Variants in STPG4 observed in about 807,000 individuals in gnomAD.
STPG4 encodes protein STPG4.
Under a neutral mutation model 31.5 loss-of-function variants are expected in STPG4, and 41 were observed. The observed-to-expected ratio is 1.30, with a 90% CI of 1.01 to 1.69. STPG4 has a LOEUF of 1.69. Ranked by LOEUF, STPG4 falls within the 40% of genes most tolerant of loss-of-function variation. STPG4 has a pLI of 0.00. For synonymous variants in STPG4, 141 were observed against 103.0 expected, an observed-to-expected ratio of 1.37 and a Z score of -2.24; for missense variants, 375 against 293.4, an observed-to-expected ratio of 1.28 and a Z score of -2.03.
chr2:47,153,895 G>A (rs919729547), intron 1 of STPG4, among the ~76,000 whole-genome samples: 3 of 152,122 alleles, frequency 2.0e-5, no homozygotes, highest in Non-Finnish European at 4.4e-5. Flanking sequence ...TGATTATTTT[G>A]GTATTCCTCA....
At chr2:47,119,981 G>C (rs189904795) in intron 5 of STPG4, among the ~76,000 whole-genome samples, 2 of 152,326 alleles carry the variant, frequency 1.3e-5, no homozygotes, top group Admixed American at 1.3e-4. Context: ...ACAGGTCATA[G>C]GTACATTTAA....
At chr2:47,111,813 C>A (rs2881680) in intron 5 of STPG4, among the ~76,000 whole-genome samples, 1 of 152,136 alleles carries the variant, frequency 6.6e-6, no homozygotes, top group Non-Finnish European at 1.5e-5. Context: ...TCAGTTATTT[C>A]GAAAATAACG....
intron 3 of STPG4, among the ~76,000 whole-genome samples, chr2:47,144,674 C>T (rs570533293): frequency 6.6e-6 from 1 of 152,286 alleles, no homozygotes; most frequent in Non-Finnish European, 1.5e-5. Context: ...AACCTTCCCA[C>T]TGCTGACCAC....
At chr2:47,095,670 C>G (rs1332531320) in intron 5 of STPG4, among the ~76,000 whole-genome samples, 2 of 152,190 alleles carry the variant, frequency 1.3e-5, no homozygotes, top group South Asian at 4.1e-4. Context: ...GCTGGGAATA[C>G]AGTGATATAT....
chr2:47,133,450 A>G (rs1419798946), intron 3 of STPG4, among the ~76,000 whole-genome samples: 5 of 152,048 alleles, frequency 3.3e-5, no homozygotes, highest in Admixed American at 1.3e-4. Flanking sequence ...TATAGGTGTG[A>G]GCCAACATGC....
chr2:47,154,475 A>G (rs994521293), intron 1 of STPG4, among the ~76,000 whole-genome samples: 5 of 152,268 alleles, frequency 3.3e-5, no homozygotes, highest in African/African-American at 4.8e-5. Context: ...TTTGCCCAAG[A>G]CAGGTGATCT....
chr2:47,096,226 G>T lies in STPG4; in HGVS notation c.520-5852C>A, dbSNP rs143122153. Among the ~76,000 whole-genome samples, 550 of 152,298 alleles carry T rather than the reference G, an allele frequency of 3.6e-3. 4 individuals are homozygous for T. Among genetic ancestry groups the T allele is most frequent in the African/African-American group, 0.013 (529 of 41,562 alleles). ...TAAATAAATCAATCAATCACAGTGT[G>T]GGGAGTATCACACAAAGGGATGTAT... is the stretch of plus-strand genomic sequence containing the variant. On this transcript the variant is annotated intron_variant, in intron 5 of 6. Transcript: ENST00000445927.
chr2:47,090,542 G>C (rs1197448342), intron 5 of STPG4, among the ~76,000 whole-genome samples, 168 bp from the exon 6 acceptor site: 3 of 152,226 alleles, frequency 2.0e-5, no homozygotes, highest in African/African-American at 4.8e-5. Flanking sequence ...AAGTCATTGT[G>C]AAACGGGAGT....
chr2:47,111,802 C>T (rs78199432), intron 5 of STPG4, among the ~76,000 whole-genome samples: 3,994 of 152,290 alleles, frequency 0.026, 182 homozygotes, highest in African/African-American at 0.091. Context: ...TCACCAATGA[C>T]TCAGTTATTT....
At chr2:47,099,281 G>A (rs1558670918) in intron 5 of STPG4, among the ~76,000 whole-genome samples, 1 of 152,220 alleles carries the variant, frequency 6.6e-6, no homozygotes, top group Admixed American at 6.5e-5. Flanking sequence ...TGAAATCTGA[G>A]GCAGTTCTGG....
chr2:47,139,821 T>C (rs527996521), intron 3 of STPG4, among the ~76,000 whole-genome samples: 102 of 152,234 alleles, frequency 6.7e-4, no homozygotes, highest in African/African-American at 2.3e-3. Flanking sequence ...TATATCTTTC[T>C]CCACCCATTT....
intron 5 of STPG4, among the ~76,000 whole-genome samples, chr2:47,106,928 G>A (rs970372937): frequency 5.3e-5 from 8 of 151,884 alleles, no homozygotes; most frequent in Non-Finnish European, 1.0e-4. Flanking sequence ...AACTTCTACC[G>A]AGGACCCCTG....
Position 47,094,893 on chromosome 2 carries a change from A to T in STPG4, c.520-4519T>A, listed in dbSNP as rs75063021. 4.1e-3 allele frequency among the ~76,000 whole-genome samples: 629 copies of T among 152,282 alleles called. 5 individuals carry two copies. Among genetic ancestry groups the T allele is most frequent in the Middle Eastern group, 0.01 (3 of 294 alleles). On this transcript the variant is annotated intron_variant, in intron 5 of 6. Coordinates refer to ENST00000445927, the MANE Select transcript of STPG4 (RefSeq NM_001163561.2). ...CTGTATAACATTACAGGCCTTTGGT[A>T]AGCCTGACATTTCCTGCCTGCACAC...
chr2:47,139,861 C>T (rs1367455691), intron 3 of STPG4, among the ~76,000 whole-genome samples: 7 of 152,200 alleles, frequency 4.6e-5, no homozygotes, highest in Non-Finnish European at 8.8e-5. Context: ...CTGCACCCTC[C>T]GCCTCCTGGG....
chr2:47,151,908 T>C (rs1022729760), intron 2 of STPG4, among the ~76,000 whole-genome samples: 7 of 48,512 alleles, frequency 1.4e-4, no homozygotes, highest in African/African-American at 3.6e-4. Flanking sequence ...GCCCGGCTAG[T>C]TTTTTGTTTT....
intron 5 of STPG4, chr2:47,129,102 C>T (rs1025414798): frequency 6.6e-6 from 1 of 152,340 alleles, no homozygotes; most frequent in Admixed American, 6.5e-5. Flanking sequence ...GTATGGGGGC[C>T]TCAGGACTCT....
At chr2:47,114,401 G>A (rs1440527693) in intron 5 of STPG4, among the ~76,000 whole-genome samples, 1 of 151,944 alleles carries the variant, frequency 6.6e-6, no homozygotes, top group Non-Finnish European at 1.5e-5. Flanking sequence ...CAGCTACTCG[G>A]GATGTTGAGG....
intron 5 of STPG4, among the ~76,000 whole-genome samples, chr2:47,120,198 G>A (rs553225924): frequency 6.6e-6 from 1 of 152,278 alleles, no homozygotes; most frequent in East Asian, 1.9e-4. Flanking sequence ...GGGCGTGGTG[G>A]CCCACACCTG....
chr2:47,106,235 G>A (rs1440872036), intron 5 of STPG4, among the ~76,000 whole-genome samples: 3 of 151,926 alleles, frequency 2.0e-5, no homozygotes, highest in Non-Finnish European at 4.4e-5. Context: ...ATTTTTCTAT[G>A]TGGAACATTG....
Sources: allele counts gnomAD v4.1 joint callset (sites outside exome capture counted in the v4.1 genomes callset), GRCh38; gene constraint gnomAD v4.1.1; transcripts MANE v1.5; gene names NCBI Gene and HGNC (gene_info 2026-07-23, HGNC 2026-07-21).